SERPINB4: variants seen among roughly 807,000 people sequenced by gnomAD.
The protein encoded by SERPINB4 is serpin family B member 4.
In SERPINB4, 39 loss-of-function variants were observed where a neutral mutation model predicts 33.2. The observed-to-expected ratio is 1.18, with a 90% CI of 0.91 to 1.53. The LOEUF is 1.53. Among genes scored for constraint, SERPINB4 ranks in the 40% most tolerant of loss-of-function variants. The pLI is 0.00. For synonymous variants in SERPINB4, 191 were observed against 166.4 expected, an observed-to-expected ratio of 1.15 and a Z score of -1.14; for missense variants, 564 against 455.4, an observed-to-expected ratio of 1.24 and a Z score of -2.17.
chr18:63,638,163 C>T (rs374928839), intron 7 of SERPINB4, 40 bp from the exon 8 acceptor site: 34 of 1,589,258 alleles, frequency 2.1e-5, no homozygotes, highest in East Asian at 4.5e-5. Flanking sequence ...GACTAACTGT[C>T]GATCTCTAAT....
At position 63,641,842 on chromosome 18, in the gene SERPINB4, G is replaced by T; in HGVS notation, c.269C>A (p.Thr90Asn). 1 of 1,613,368 alleles carries T rather than the reference G, an allele frequency of 6.2e-7. No individual in the cohort carries two copies. Among genetic ancestry groups the T allele is most frequent in the Non-Finnish European group, 8.5e-7 (1 of 1,179,512 alleles). ...TGCATCAGTGGATTTGTTGAATTCAGTCAGAAGCTTTTGAAACTGGTGATG... is the reference window on the plus strand; with the variant it reads ...TGCATCAGTGGATTTGTTGAATTCATTCAGAAGCTTTTGAAACTGGTGATG... Reference protein sequence around the residue: ...NVHHQFQKLLTEFNKSTDAYE... With the variant: ...NVHHQFQKLLNEFNKSTDAYE... Residue 90 changes from threonine (T) to asparagine (N), a missense_variant, in exon 4 of 8, where the codon ACT becomes AAT. Transcript: ENST00000341074.
chr18:63,639,530 A>G, intron 6 of SERPINB4, 104 bp downstream of exon 6: 1 of 1,033,504 alleles, frequency 9.7e-7, no homozygotes, highest in African/African-American at 1.6e-5. Context: ...AATAACAGAC[A>G]TGAACAATTT....
chr18:63,639,163 A>G, intron 7 of SERPINB4, 22 bp downstream of exon 7: 6 of 1,564,736 alleles, frequency 3.8e-6, no homozygotes, highest in Non-Finnish European at 5.2e-6. Context: ...TAGAAGGAAG[A>G]GTTGTAGATG....
chr18:63,639,106 G>A, intron 7 of SERPINB4, 79 bp downstream of exon 7: 1 of 1,447,310 alleles, frequency 6.9e-7, no homozygotes, highest in Non-Finnish European at 9.2e-7. Context: ...TCGGTCATAA[G>A]CTTTTACCTT....
At chr18:63,642,206 C>A (rs1913158514) in intron 3 of SERPINB4, among the ~76,000 whole-genome samples, 1 of 152,120 alleles carries the variant, frequency 6.6e-6, no homozygotes, top group Non-Finnish European at 1.5e-5. Context: ...AAACTCTCAG[C>A]TCCTTATGGG....
intron 3 of SERPINB4, among the ~76,000 whole-genome samples, chr18:63,642,256 G>A (rs1260918228): frequency 6.6e-6 from 1 of 152,084 alleles, no homozygotes; most frequent in South Asian, 2.1e-4. Context: ...TCAAGGATAC[G>A]AGTATGTTGA....
chr18:63,640,158 G>A (rs535599276), intron 5 of SERPINB4, among the ~76,000 whole-genome samples: 1 of 151,448 alleles, frequency 6.6e-6, no homozygotes, highest in African/African-American at 2.4e-5. Flanking sequence ...TTAACTACGG[G>A]GTCCCCATTC....
chr18:63,641,160 G>A (rs1346130353), intron 4 of SERPINB4, among the ~76,000 whole-genome samples, 169 bp from the exon 5 acceptor site: 1 of 152,016 alleles, frequency 6.6e-6, no homozygotes, highest in Admixed American at 6.6e-5. Flanking sequence ...ATGCAAAAGG[G>A]GAATGTGGGC....
chr18:63,641,779 T>C lies in SERPINB4; in HGVS notation c.332A>G (p.Lys111Arg). 1 of 1,613,378 alleles carries C rather than the reference T, an allele frequency of 6.2e-7. No individual in the cohort carries two copies. Among genetic ancestry groups the C allele is most frequent in the Non-Finnish European group, 8.5e-7 (1 of 1,179,482 alleles). ...AATTACCTGTAAAAATTGATACGTCTTTTCTCCGAAGAGCTTGTTGGCGAT... is the reference window on the plus strand; with the variant it reads ...AATTACCTGTAAAAATTGATACGTCCTTTCTCCGAAGAGCTTGTTGGCGAT... ...LKIANKLFGE[K>R]TYQFLQEYLD... Residue 111 changes from lysine (K) to arginine (R), a missense_variant, in exon 4 of 8, where the codon AAG becomes AGG. Physicochemically the swap from Lys to Arg is conservative, Grantham distance 26. Coordinates refer to ENST00000341074, the MANE Select transcript of SERPINB4 (RefSeq NM_002974.4).
intron 3 of SERPINB4, among the ~76,000 whole-genome samples, chr18:63,642,097 C>T (rs533876389): frequency 1.6e-4 from 25 of 152,200 alleles, no homozygotes; most frequent in South Asian, 4.1e-4. Context: ...CTTGCTCTAA[C>T]GTACTGCAAT....
Position 63,639,206 on chromosome 18 carries a change from A to G in SERPINB4, c.747T>C (p.Asn249=). ...KDLSMIVLLP[N]EIDGLQKLEE... ...TTACCTTCTGCAGACCATCGATTTC[A>G]TTTGGCAGCAGCACAATCATGCTTA... Residue 249 remains asparagine (N), a synonymous_variant, in exon 7 of 8, where the codon AAT becomes AAC. Transcript: ENST00000341074. 6.2e-7 allele frequency: 1 copy of G among 1,609,408 alleles called. No individual in the cohort carries two copies. Among genetic ancestry groups the G allele is most frequent in the Non-Finnish European group, 8.5e-7 (1 of 1,176,960 alleles).
chr18:63,637,731 G>C lies in SERPINB4; in HGVS notation c.1161C>G (p.Phe387Leu). 6.2e-7 allele frequency: 1 copy of C among 1,606,028 alleles called. No homozygotes were observed. Among genetic ancestry groups the C allele is most frequent in the East Asian group, 2.2e-5 (1 of 44,846 alleles). The change falls in exon 8 of 8, where the codon TTC (phenylalanine) becomes TTG (leucine). Residue 387 changes from phenylalanine (F) to leucine (L), a missense_variant. Transcript: ENST00000341074. ...AGACTAATTGCATCTATGGGGATGA[G>C]AATCTGCCATAGAAGAGGATGCTGT... is the stretch of plus-strand genomic sequence containing the variant. Reference protein sequence around the residue: ...KTNSILFYGRFSSP With the variant: ...KTNSILFYGRLSSP
chr18:63,640,576 T>G, intron 5 of SERPINB4, among the ~76,000 whole-genome samples: 1 of 152,094 alleles, frequency 6.6e-6, no homozygotes, highest in East Asian at 1.9e-4. Flanking sequence ...GTAAAGGATA[T>G]GATCTCAAAA....
chr18:63,642,952 C>A, intron 3 of SERPINB4: 1 of 609,392 alleles, frequency 1.6e-6, no homozygotes, highest in South Asian at 2.0e-5. Context: ...GACCTATGCT[C>A]TGAGGTACAG....
chr18:63,638,676 A>T (rs1345365277), intron 7 of SERPINB4, among the ~76,000 whole-genome samples: 6 of 151,838 alleles, frequency 4.0e-5, no homozygotes, highest in African/African-American at 1.5e-4. Context: ...AATATCATCA[A>T]ATTGATATCC....
chr18:63,640,565 A>G (rs1913093337), intron 5 of SERPINB4, among the ~76,000 whole-genome samples: 1 of 152,090 alleles, frequency 6.6e-6, no homozygotes, highest in Admixed American at 6.6e-5. Flanking sequence ...TCTGATTTAA[A>G]GTAAAGGATA....
chr18:63,642,514 A>C (rs1815941511), intron 3 of SERPINB4, among the ~76,000 whole-genome samples: 1 of 152,098 alleles, frequency 6.6e-6, no homozygotes, highest in Non-Finnish European at 1.5e-5. Context: ...TAGAGACATA[A>C]ATTAGAAGTG....
chr18:63,639,729 T>C lies in SERPINB4; in HGVS notation c.517A>G (p.Thr173Ala). The C allele has an allele frequency of 6.2e-7, 1 of 1,611,898 alleles. No homozygotes were observed. Among genetic ancestry groups the C allele is most frequent in the Non-Finnish European group, 8.5e-7 (1 of 1,178,310 alleles). ...TAGATTGCGTTCACAAGAACCAGTG[T>C]CGTATCATTGCCAATAGTCCCATCA... is the stretch of plus-strand genomic sequence containing the variant. The part of the protein sequence containing the change: ...FPDGTIGNDT[T>A]LVLVNAIYFK... Residue 173 changes from threonine to alanine, a missense_variant, in exon 6 of 8, where the codon ACA becomes GCA. Coordinates refer to ENST00000341074, the MANE Select transcript of SERPINB4 (RefSeq NM_002974.4).
In SERPINB4 at chr18:63,643,171, G is replaced by T; in HGVS notation, c.212C>A (p.Ala71Glu). 6.2e-7 allele frequency: 1 copy of T among 1,613,296 alleles called. No individual in the cohort carries two copies. The highest frequency in any genetic ancestry group is 1.1e-5 in the South Asian group (1 of 91,062). The change falls in exon 3 of 8, where the codon GCA becomes GAA. Residue 71 changes from alanine (A) to glutamate (E), a missense_variant. Coordinates refer to ENST00000341074, the MANE Select transcript of SERPINB4 (RefSeq NM_002974.4). ...TGCTCTGTGACTCACATGATATGTT[G>T]CAGCTTTTTCTGTGGTGTTCTCTGT... ...QVTENTTEKA[A>E]TYHVDRSGNV...
Sources: allele counts gnomAD v4.1 joint callset (sites outside exome capture counted in the v4.1 genomes callset), GRCh38; gene constraint gnomAD v4.1.1; transcripts MANE v1.5; gene names NCBI Gene and HGNC (gene_info 2026-07-23, HGNC 2026-07-21).